HMGA2: variants seen among roughly 807,000 people sequenced by gnomAD.
The protein encoded by HMGA2 is high mobility group protein HMGI-C.
HMGA2 carries 8 observed loss-of-function variants against 19.1 expected under a neutral mutation model. The observed-to-expected ratio is 0.42, with a 90% confidence interval of 0.25 to 0.76. The LOEUF (loss-of-function observed/expected upper bound fraction) is 0.76. Among genes scored for constraint, HMGA2 ranks in the 30% least tolerant of loss-of-function variants. The pLI, the probability that HMGA2 is intolerant of heterozygous loss-of-function variation, is 0.28. For synonymous variants in HMGA2, 60 were observed against 48.8 expected, an observed-to-expected ratio of 1.23 and a Z score of -0.96; for missense variants, 109 against 136.3, an observed-to-expected ratio of 0.80 and a Z score of 1.00.
chr12:65,920,122 A>G (rs929063397), intron 3 of HMGA2, among the ~76,000 whole-genome samples: 1 of 152,204 alleles, frequency 6.6e-6, no homozygotes, highest in African/African-American at 2.4e-5. Context: ...AAGAAACAAA[A>G]CCATTTTTTA....
intron 3 of HMGA2, among the ~76,000 whole-genome samples, chr12:65,922,356 C>T (rs1331540607): frequency 6.6e-6 from 1 of 152,176 alleles, no homozygotes; most frequent in Non-Finnish European, 1.5e-5. Context: ...ATCAGTATGA[C>T]CTGGATGTGA....
intron 3 of HMGA2, chr12:65,843,231 G>A (rs948340162): frequency 4.4e-6 from 1 of 225,172 alleles, no homozygotes; most frequent in Non-Finnish European, 8.8e-6. Flanking sequence ...ATCCCCAGCT[G>A]GTTTCTCAGG....
chr12:65,950,842 T>C (rs1251715986), intron 3 of HMGA2, among the ~76,000 whole-genome samples: 2 of 152,244 alleles, frequency 1.3e-5, no homozygotes, highest in Admixed American at 1.3e-4. Context: ...CTAGTTGGCT[T>C]GTATGCCAGA....
chr12:65,941,098 C>T (rs1838488298), intron 3 of HMGA2, among the ~76,000 whole-genome samples: 1 of 152,172 alleles, frequency 6.6e-6, no homozygotes. Context: ...TAACGGAATG[C>T]TGAACCCAGA....
At chr12:65,935,118 T>C (rs1875847188) in intron 3 of HMGA2, 2 of 152,192 alleles carry the variant, frequency 1.3e-5, no homozygotes, top group Non-Finnish European at 2.9e-5. Flanking sequence ...GAAGATACTG[T>C]AGTTGTTGCG....
intron 3 of HMGA2, among the ~76,000 whole-genome samples, chr12:65,895,266 A>G (rs1874077272): frequency 6.6e-6 from 1 of 152,140 alleles, no homozygotes. Context: ...CTATAACAAG[A>G]TTTATGAGGA....
intron 3 of HMGA2, among the ~76,000 whole-genome samples, chr12:65,912,710 G>A (rs1252082488): frequency 6.6e-6 from 1 of 152,142 alleles, no homozygotes; most frequent in Non-Finnish European, 1.5e-5. Flanking sequence ...AAGAATCCTG[G>A]ATTTGGAATC....
chr12:65,924,130 AG>A (rs1875421869), intron 3 of HMGA2, among the ~76,000 whole-genome samples: 1 of 152,190 alleles, frequency 6.6e-6, no homozygotes, highest in Non-Finnish European at 1.5e-5. Context: ...CTCTTAGGGT[AG>A]GGAAGGTCCA....
chr12:65,945,751 T>C (rs1034189724), intron 3 of HMGA2, among the ~76,000 whole-genome samples: 1 of 152,188 alleles, frequency 6.6e-6, no homozygotes, highest in East Asian at 1.9e-4. Flanking sequence ...TGTCTACTTA[T>C]TCAATATTTT....
chr12:65,954,477 C>T (rs1424337871), intron 4 of HMGA2: 3 of 152,166 alleles, frequency 2.0e-5, no homozygotes, highest in Non-Finnish European at 4.4e-5. Context: ...GTGAAGTATC[C>T]TCATACTGCC....
At chr12:65,828,384 G>GGAGAA in intron 2 of HMGA2, 1 of 219,156 alleles carries the variant, frequency 4.6e-6, no homozygotes, top group Admixed American at 5.7e-5. Context: ...GGGGGGGCGG[G>GGAGAA]ATGAAAATGA....
intron 3 of HMGA2, among the ~76,000 whole-genome samples, chr12:65,918,275 A>C (rs1296531685): frequency 2.0e-5 from 3 of 152,232 alleles, no homozygotes; most frequent in Admixed American, 6.5e-5. Context: ...CATTTGCAGA[A>C]GAATTAAAGG....
intron 3 of HMGA2, among the ~76,000 whole-genome samples, chr12:65,924,904 C>T (rs143625823): frequency 2.0e-5 from 3 of 152,314 alleles, no homozygotes; most frequent in Non-Finnish European, 4.4e-5. Context: ...CATCCCTCTT[C>T]TGCCGTTCTG....
intron 3 of HMGA2, among the ~76,000 whole-genome samples, chr12:65,906,740 G>A (rs1413843187): frequency 5.9e-5 from 9 of 152,116 alleles, no homozygotes; most frequent in Admixed American, 5.9e-4. Flanking sequence ...AAAGAAAAAG[G>A]TTAAAAATAA....
chr12:65,915,602 T>G, intron 3 of HMGA2: 1 of 1,017,942 alleles, frequency 9.8e-7, no homozygotes, highest in East Asian at 5.7e-5. Flanking sequence ...TATTTTCCTG[T>G]GTCTTTTATC....
At position 65,824,778 on chromosome 12, in the gene HMGA2, G is replaced by A. The variant is rs1452736553; in HGVS notation, c.-493G>A. ...CTCTCTCTCTCTCTCTCGCAGGGTG[G>A]GGGGAAGAGGAGGAGGAATTCTTTC... On this transcript the variant is annotated 5_prime_UTR_variant, in exon 1 of 5. Coordinates refer to ENST00000403681, the MANE Select transcript of HMGA2 (RefSeq NM_003483.6). The A allele has an allele frequency of 9.1e-6, 2 of 220,458 alleles. No homozygotes were observed. Among genetic ancestry groups the A allele is most frequent in the East Asian group, 1.3e-4 (2 of 15,522 alleles). The allele number at this position is 220,458 out of a possible 1,614,324, so 13.7% of individuals were successfully genotyped here. A position where few individuals can be genotyped will look rare whatever the true frequency, so the allele number is the denominator to read the frequency against.
intron 3 of HMGA2, among the ~76,000 whole-genome samples, chr12:65,933,879 G>A (rs1555187850): frequency 6.6e-6 from 1 of 152,148 alleles, no homozygotes; most frequent in Non-Finnish European, 1.5e-5. Context: ...CCATAATAGA[G>A]TGAAGAAAGC....
chr12:65,927,012 T>G (rs1875528733), intron 3 of HMGA2, among the ~76,000 whole-genome samples: 1 of 152,222 alleles, frequency 6.6e-6, no homozygotes, highest in African/African-American at 2.4e-5. Context: ...TGGAGACTCC[T>G]AGGTGAATGG....
rs78745018 is a variant in HMGA2, at chr12:65,896,768, C to T, written c.250-54615C>T. Among the ~76,000 whole-genome samples, 850 of 152,262 alleles carry T rather than the reference C, an allele frequency of 5.6e-3. 7 individuals carry two copies. The highest frequency in any genetic ancestry group is 0.01 in the Non-Finnish European group (704 of 68,028). On this transcript the variant is annotated intron_variant, in intron 3 of 4. Transcript: ENST00000403681. ...GTCTGTGTTTTCTTAATTGATTAAA[C>T]GTTGGAAGAATACTGCATGAAGAAT...
Sources: allele counts gnomAD v4.1 joint callset (sites outside exome capture counted in the v4.1 genomes callset), GRCh38; gene constraint gnomAD v4.1.1; transcripts MANE v1.5; gene names NCBI Gene and HGNC (gene_info 2026-07-23, HGNC 2026-07-21).